DPP6: variants seen among roughly 807,000 people sequenced by gnomAD.
DPP6 encodes A-type potassium channel modulatory protein DPP6.
In DPP6, 69 loss-of-function variants were observed where a neutral mutation model predicts 122.6. That is an observed-to-expected ratio of 0.56 (90% CI 0.46 to 0.69). The LOEUF is 0.69. DPP6 is among the 30% of genes least tolerant of loss of function. DPP6 has a pLI of 0.00. For missense variants in DPP6, 928 were observed against 1,116.9 expected (o/e 0.83, Z 2.41); for synonymous variants, 418 against 433.1 (o/e 0.97, Z 0.43).
At chr7:153,970,837 C>T (rs547288059) in intron 1 of DPP6, among the ~76,000 whole-genome samples, 2 of 152,234 alleles carry the variant, frequency 1.3e-5, no homozygotes, top group Admixed American at 6.5e-5. Flanking sequence ...CTATTCTGTT[C>T]CATTGATCTA....
At chr7:154,630,496 A>G (rs887013116) in intron 5 of DPP6, among the ~76,000 whole-genome samples, 5 of 152,234 alleles carry the variant, frequency 3.3e-5, no homozygotes, top group African/African-American at 4.8e-5. Context: ...GACCAGGTAC[A>G]TGGAAGGAAA....
At chr7:154,691,334 A>G (rs957687255) in intron 7 of DPP6, among the ~76,000 whole-genome samples, 2 of 152,194 alleles carry the variant, frequency 1.3e-5, no homozygotes, top group Non-Finnish European at 2.9e-5. Context: ...TAACAAATGG[A>G]GAGTGAGCCT....
rs75578875 is a variant in DPP6 at position 154,117,833 on chromosome 7, G to C, written c.243+64770G>C. 1.1e-4 allele frequency among the ~76,000 whole-genome samples: 16 copies of C among 151,900 alleles called. 1 individual carries two copies. Among genetic ancestry groups the C allele is most frequent in the Admixed American group, 1.0e-3 (16 of 15,258 alleles). ...AGAGACACATACCGTGTTTCTGAGC[G>C]AGGACTGTAGCATGGCCAGAAGGCT... is the stretch of plus-strand genomic sequence containing the variant. On this transcript the variant is annotated intron_variant, in intron 1 of 25. Transcript: ENST00000377770.
Position 154,893,338 on chromosome 7 carries a change from A to C in DPP6, c.*858A>C. 1 of 187,264 alleles carries C rather than the reference A, an allele frequency of 5.3e-6. No individual in the cohort carries two copies. Among genetic ancestry groups the C allele is most frequent in the South Asian group, 1.0e-4 (1 of 9,840 alleles). 11.6% of individuals were successfully genotyped at this position (187,264 alleles called of 1,614,324 possible). On this transcript the variant is annotated 3_prime_UTR_variant, in exon 26 of 26. Coordinates refer to ENST00000377770, the MANE Select transcript of DPP6 (RefSeq NM_130797.4). ...AATACCTAAATAAAACCTCTCTCCC[A>C]CTCAGCTATGCTAGGGCTTGGCTGT...
intron 1 of DPP6, among the ~76,000 whole-genome samples, chr7:154,157,655 T>A (rs557309727): frequency 6.6e-6 from 1 of 152,174 alleles, no homozygotes; most frequent in African/African-American, 2.4e-5. Context: ...TTATTTGGGC[T>A]GGGTACGGTG....
chr7:154,424,713 C>T lies in DPP6; in HGVS notation c.244-21501C>T, dbSNP rs142623832. 3.3e-3 allele frequency among the ~76,000 whole-genome samples: 502 copies of T among 152,306 alleles called. 12 individuals are homozygous for T. Among genetic ancestry groups the T allele is most frequent in the Admixed American group, 0.025 (386 of 15,296 alleles). ...TAGGATTTAGATGTCTTTGGGCGGC[C>T]TTGTTCATTACAATGAAGCAATTTC... On this transcript the variant is annotated intron_variant, in intron 1 of 25. Transcript: ENST00000377770.
intron 5 of DPP6, among the ~76,000 whole-genome samples, chr7:154,596,729 TAAG>T (rs1833117740): frequency 6.6e-6 from 1 of 152,208 alleles, no homozygotes; most frequent in Admixed American, 6.5e-5. Context: ...TGCTGCTTTA[TAAG>T]AATAATGAGC....
intron 6 of DPP6, among the ~76,000 whole-genome samples, chr7:154,668,510 C>T (rs939413121): frequency 2.6e-5 from 4 of 151,900 alleles, no homozygotes; most frequent in Non-Finnish European, 5.9e-5. Context: ...TGAGCCACCG[C>T]GCTCAGCCCC....
intron 1 of DPP6, among the ~76,000 whole-genome samples, chr7:154,035,898 G>A (rs1799493403): frequency 6.6e-6 from 1 of 151,930 alleles, no homozygotes; most frequent in Non-Finnish European, 1.5e-5. Flanking sequence ...CTTGGCAAAC[G>A]TAAAGTACTT....
chr7:153,844,577 C>T, the DPP6 span, among the ~76,000 whole-genome samples: 1 of 152,152 alleles, frequency 6.6e-6, no homozygotes, highest in African/African-American at 2.4e-5. Context: ...TCAGGAAAAG[C>T]CTTTTCTTTT....
At chr7:154,189,959 C>A (rs1251047504) in intron 1 of DPP6, among the ~76,000 whole-genome samples, 1 of 152,120 alleles carries the variant, frequency 6.6e-6, no homozygotes, top group African/African-American at 2.4e-5. Context: ...CCTTAAATAC[C>A]GTCCTTTTAG....
intron 1 of DPP6, among the ~76,000 whole-genome samples, chr7:154,155,967 A>T (rs935492045): frequency 6.6e-6 from 1 of 152,260 alleles, no homozygotes; most frequent in Admixed American, 6.5e-5. Context: ...AAGGGGCCCC[A>T]GGCCTGGCAG....
chr7:153,989,101 G>C (rs1336379587), intron 1 of DPP6, among the ~76,000 whole-genome samples: 1 of 150,546 alleles, frequency 6.6e-6, no homozygotes, highest in East Asian at 2.0e-4. Flanking sequence ...TGCTGGGGTG[G>C]CGGGGCTTGT....
intron 1 of DPP6, among the ~76,000 whole-genome samples, chr7:154,257,771 C>T (rs1003030076): frequency 7.9e-5 from 12 of 152,130 alleles, no homozygotes; most frequent in African/African-American, 2.9e-4. Flanking sequence ...GGAAGGCCAT[C>T]AAATAAGATA....
At chr7:153,812,838 A>G in the DPP6 span, among the ~76,000 whole-genome samples, 1 of 152,158 alleles carries the variant, frequency 6.6e-6, no homozygotes, top group Admixed American at 6.5e-5. Context: ...ATCAGCCTAC[A>G]GTGCATCTCA....
intron 12 of DPP6, 131 bp from the exon 13 acceptor site, chr7:154,801,224 T>TA: frequency 7.6e-7 from 1 of 1,316,418 alleles, no homozygotes; most frequent in Non-Finnish European, 1.0e-6. Context: ...ATCAAGCACT[T>TA]ATTATTTCAA....
intron 1 of DPP6, among the ~76,000 whole-genome samples, chr7:154,444,332 G>A (rs1225505798): frequency 6.6e-6 from 1 of 151,962 alleles, no homozygotes; most frequent in Non-Finnish European, 1.5e-5. Context: ...AGGTGTGATT[G>A]TGGGCGCCTG....
chr7:154,887,600 C>G, intron 22 of DPP6, 76 bp from the exon 23 acceptor site: 2 of 1,469,492 alleles, frequency 1.4e-6, no homozygotes, highest in Non-Finnish European at 1.9e-6. Context: ...GGTCCAGGGC[C>G]CTCCCTAGAG....
intron 6 of DPP6, among the ~76,000 whole-genome samples, chr7:154,662,117 C>T (rs1158630418): frequency 9.3e-5 from 14 of 150,500 alleles, no homozygotes; most frequent in African/African-American, 3.0e-4. Flanking sequence ...GGCATATTGG[C>T]GCTAGTATTC....
Sources: gnomAD v4.1 joint callset for allele counts (sites outside exome capture counted in the v4.1 genomes callset) on GRCh38, gnomAD v4.1.1 for gene constraint, MANE v1.5 for transcripts, NCBI Gene and HGNC (gene_info 2026-07-23, HGNC 2026-07-21) for gene names.